ADAMTSL3: variants seen among roughly 807,000 people sequenced by gnomAD.
ADAMTSL3 encodes ADAMTS-like protein 3.
ADAMTSL3 carries 128 observed loss-of-function variants against 201.7 expected under a neutral mutation model. That is an observed-to-expected ratio of 0.63 (90% CI 0.55 to 0.73). The LOEUF is 0.73. Ranked by LOEUF, ADAMTSL3 falls within the 30% of genes least tolerant of loss-of-function variation. The pLI is 0.00. For synonymous variants in ADAMTSL3, 738 were observed against 748.4 expected, an observed-to-expected ratio of 0.99 and a Z score of 0.23; for missense variants, 1,990 against 2,119.6, an observed-to-expected ratio of 0.94 and a Z score of 1.20.
chr15:83,944,227 G>A (rs1707888671), intron 19 of ADAMTSL3, among the ~76,000 whole-genome samples: 1 of 152,192 alleles, frequency 6.6e-6, no homozygotes, highest in Admixed American at 6.5e-5. Flanking sequence ...ATAGCTGGTA[G>A]GGCCTTTCTT....
intron 9 of ADAMTSL3, among the ~76,000 whole-genome samples, chr15:83,879,047 A>G (rs983792192): frequency 6.6e-6 from 1 of 152,180 alleles, no homozygotes; most frequent in Non-Finnish European, 1.5e-5. Context: ...AGCTATTGGC[A>G]TACTTTTCAT....
At chr15:84,033,562 G>A (rs2068446053) in intron 28 of ADAMTSL3, among the ~76,000 whole-genome samples, 1 of 152,198 alleles carries the variant, frequency 6.6e-6, no homozygotes, top group East Asian at 1.9e-4. Flanking sequence ...GGGAGGCTGA[G>A]GCAGGAGAAT....
intron 24 of ADAMTSL3, among the ~76,000 whole-genome samples, chr15:84,015,719 A>G (rs1282419366): frequency 6.6e-6 from 1 of 152,222 alleles, no homozygotes; most frequent in Non-Finnish European, 1.5e-5. Flanking sequence ...GAAGAGTTGC[A>G]ACAGATTGGC....
intron 19 of ADAMTSL3, among the ~76,000 whole-genome samples, chr15:83,954,395 CTT>C (rs1336869482): frequency 6.6e-6 from 1 of 152,080 alleles, no homozygotes; most frequent in Non-Finnish European, 1.5e-5. Context: ...AAATTAATCT[CTT>C]TGTTAAATTT....
chr15:83,705,866 A>G (rs2061843692), intron 3 of ADAMTSL3, among the ~76,000 whole-genome samples: 1 of 152,042 alleles, frequency 6.6e-6, no homozygotes, highest in African/African-American at 2.4e-5. Context: ...GATGAGACCA[A>G]TTTCTTACTC....
intron 20 of ADAMTSL3, among the ~76,000 whole-genome samples, chr15:83,971,162 T>G (rs1678514269): frequency 6.6e-6 from 1 of 152,258 alleles, no homozygotes; most frequent in Admixed American, 6.5e-5. Flanking sequence ...GTTCATATTA[T>G]GGCTTCATTA....
At chr15:83,784,362 G>T (rs572474069) in intron 4 of ADAMTSL3, among the ~76,000 whole-genome samples, 1 of 152,242 alleles carries the variant, frequency 6.6e-6, no homozygotes, top group African/African-American at 2.4e-5. Flanking sequence ...TTACTTCAAA[G>T]GCAGACTTCT....
intron 3 of ADAMTSL3, among the ~76,000 whole-genome samples, chr15:83,771,167 CTT>C (rs10572931): frequency 0.63 from 84,512 of 134,364 alleles, 26,266 homozygotes; most frequent in South Asian, 0.81. Flanking sequence ...TTTCTGGACT[CTT>C]TTTTTTTTTT....
intron 8 of ADAMTSL3, among the ~76,000 whole-genome samples, chr15:83,863,361 GGA>G (rs1314728375): frequency 1.6e-4 from 24 of 152,166 alleles, no homozygotes; most frequent in African/African-American, 5.8e-4. Flanking sequence ...CCACATAGTT[GGA>G]AGTGAAGCAC....
chr15:83,823,077 T>C (rs1180014544), intron 6 of ADAMTSL3, among the ~76,000 whole-genome samples: 1 of 151,360 alleles, frequency 6.6e-6, no homozygotes, highest in Non-Finnish European at 1.5e-5. Context: ...CGCCTGCAAA[T>C]TGCAGGCACT....
intron 17 of ADAMTSL3, among the ~76,000 whole-genome samples, chr15:83,939,118 C>T (rs996289919): frequency 6.6e-6 from 1 of 152,122 alleles, no homozygotes; most frequent in African/African-American, 2.4e-5. Flanking sequence ...TTTTGCCTTC[C>T]TAGAATAAAC....
At chr15:83,780,322 A>G (rs973216326) in intron 4 of ADAMTSL3, among the ~76,000 whole-genome samples, 1 of 151,882 alleles carries the variant, frequency 6.6e-6, no homozygotes, top group Non-Finnish European at 1.5e-5. Flanking sequence ...AGGCAGGAGA[A>G]TCACTTGAAT....
chr15:83,681,812 G>C (rs1360391984), intron 2 of ADAMTSL3, among the ~76,000 whole-genome samples: 1 of 152,102 alleles, frequency 6.6e-6, no homozygotes, highest in African/African-American at 2.4e-5. Flanking sequence ...GCCCTGTCAT[G>C]GTCTTCAGCT....
chr15:83,669,368 A>G (rs2061292720), intron 2 of ADAMTSL3, among the ~76,000 whole-genome samples: 2 of 128,394 alleles, frequency 1.6e-5, no homozygotes, highest in African/African-American at 9.0e-5. Flanking sequence ...CTGGTCTGGA[A>G]CTCCTGACCT....
At chr15:83,836,688 C>G (rs1239708815) in intron 6 of ADAMTSL3, among the ~76,000 whole-genome samples, 1 of 152,114 alleles carries the variant, frequency 6.6e-6, no homozygotes, top group East Asian at 1.9e-4. Context: ...AATCATTATA[C>G]TAAGAATTTT....
chr15:83,989,159 G>A (rs1268045390), intron 22 of ADAMTSL3, among the ~76,000 whole-genome samples: 4 of 152,208 alleles, frequency 2.6e-5, no homozygotes, highest in African/African-American at 9.6e-5. Flanking sequence ...TGGGATTACA[G>A]GCGTGAGCCA....
Position 83,664,172 on chromosome 15 carries a change from C to T in ADAMTSL3, c.69+8342C>T, listed in dbSNP as rs139167051. Among the ~76,000 whole-genome samples, 53 of 152,254 alleles carry T rather than the reference C, an allele frequency of 3.5e-4. No homozygotes were observed. In the East Asian group the frequency reaches 9.6e-3, roughly 28 times the overall value. ...ATATACCGAAAAGATAAAAAGTTGT[C>T]CATTATTTTACATTAACTGTTAAAT... On this transcript the variant is annotated intron_variant, in intron 2 of 29. Coordinates refer to ENST00000286744, the MANE Select transcript of ADAMTSL3 (RefSeq NM_207517.3).
chr15:83,960,720 C>T (rs1018680840), intron 19 of ADAMTSL3, among the ~76,000 whole-genome samples: 10 of 152,028 alleles, frequency 6.6e-5, no homozygotes, highest in African/African-American at 1.4e-4. Context: ...TATTCAAATT[C>T]GAAAATCTGA....
intron 7 of ADAMTSL3, among the ~76,000 whole-genome samples, chr15:83,842,065 C>T (rs1450035736): frequency 6.6e-6 from 1 of 151,324 alleles, no homozygotes; most frequent in Non-Finnish European, 1.5e-5. Flanking sequence ...CCCCTTCTGC[C>T]TTCCCATCCA....
Sources: allele counts gnomAD v4.1 joint callset (sites outside exome capture counted in the v4.1 genomes callset), GRCh38; gene constraint gnomAD v4.1.1; transcripts MANE v1.5; gene names NCBI Gene and HGNC (gene_info 2026-07-23, HGNC 2026-07-21).